Variants in ITGA11 observed in about 807,000 individuals in gnomAD.
ITGA11 encodes the protein integrin alpha-11.
A neutral mutation model predicts 141.9 loss-of-function variants in ITGA11; 97 were observed. The ratio of observed to expected loss-of-function variants is 0.68; its 90% CI spans 0.58 to 0.81. The LOEUF (loss-of-function observed/expected upper bound fraction) is 0.81. Ranked by LOEUF, ITGA11 falls within the 30% of genes least tolerant of loss-of-function variation. The pLI is 0.00. For missense variants in ITGA11, 1,387 were observed against 1,559.2 expected (o/e 0.89, Z 1.86); for synonymous variants, 658 against 624.6 (o/e 1.05, Z -0.80).
chr15:68,327,069 G>C (rs28517670), intron 16 of ITGA11, among the ~76,000 whole-genome samples: 4 of 152,084 alleles, frequency 2.6e-5, no homozygotes, highest in Non-Finnish European at 4.4e-5. Flanking sequence ...GAGGAGGGGA[G>C]ACAGGATGTG....
chr15:68,422,263 C>T (rs1407933282), intron 1 of ITGA11, among the ~76,000 whole-genome samples: 1 of 152,134 alleles, frequency 6.6e-6, no homozygotes, highest in Non-Finnish European at 1.5e-5. Flanking sequence ...CCTCCACCTG[C>T]CCACGAGCAC....
intron 1 of ITGA11, among the ~76,000 whole-genome samples, chr15:68,418,346 A>T: frequency 6.6e-6 from 1 of 152,222 alleles, no homozygotes; most frequent in Non-Finnish European, 1.5e-5. Context: ...ATAGAGCCTC[A>T]GGGAGGGAAG....
intron 1 of ITGA11, among the ~76,000 whole-genome samples, chr15:68,410,524 C>T (rs996951539): frequency 6.6e-6 from 1 of 151,278 alleles, no homozygotes; most frequent in Non-Finnish European, 1.5e-5. Context: ...CCTCTTGCTG[C>T]TATGGGGGAA....
At chr15:68,431,256 A>G (rs1897263786) in intron 1 of ITGA11, among the ~76,000 whole-genome samples, 1 of 152,188 alleles carries the variant, frequency 6.6e-6, no homozygotes, top group Non-Finnish European at 1.5e-5. Context: ...CGACACCTGG[A>G]GTGCATTAGG....
chr15:68,340,725 T>C (rs1267910505), intron 10 of ITGA11: 3 of 152,254 alleles, frequency 2.0e-5, no homozygotes, highest in Non-Finnish European at 4.4e-5. Context: ...TGGCCCTTTC[T>C]TGAAGACTGG....
rs1226819838 is a variant in ITGA11, at chr15:68,330,479, T to C, written c.1901+502A>G. On this transcript the variant is annotated intron_variant, in intron 15 of 29. Transcript: ENST00000315757. ...CTCATCAACATATATGAAAAAATAC[T>C]CAAGGTCTTTTTTTTTTTTTGGCTC... is the stretch of plus-strand genomic sequence containing the variant. Among the ~76,000 whole-genome samples, 10 of 143,908 alleles carry C rather than the reference T, an allele frequency of 6.9e-5. No homozygotes were observed. In the Admixed American group the frequency reaches 7.2e-4, roughly 10 times the overall value. 94.4% of individuals were successfully genotyped at this position (143,908 alleles called of 152,430 possible). A position where few individuals can be genotyped will look rare whatever the true frequency, so the allele number is the denominator to read the frequency against.
Position 68,326,981 on chromosome 15 carries a change from G to GGTAAAGGAAA in ITGA11, c.2069-186_2069-185insTTTCCTTTAC, listed in dbSNP as rs1893995317. On this transcript the variant is annotated intron_variant, in intron 16 of 29. Transcript: ENST00000315757. The surrounding 1 kb of genome is among the most constrained non-coding windows in gnomAD (Gnocchi z 6.8). ...TGATTGCATGAGGAAGGTAAAGGAA[G>GGTAAAGGAAA]GAACCAAAGAAAAGGGGGAGGAAGA... is the stretch of plus-strand genomic sequence containing the variant. Among the ~76,000 whole-genome samples the GGTAAAGGAAA allele has an allele frequency of 6.6e-6, 1 of 152,136 alleles. No individual in the cohort carries two copies. The highest frequency in any genetic ancestry group is 2.4e-5 in the African/African-American group (1 of 41,428).
In ITGA11 at chr15:68,326,560, G is replaced by C. The variant is rs2140296434; in HGVS notation, c.2211+94C>G. 1 of 1,395,746 alleles carries C rather than the reference G, an allele frequency of 7.2e-7. No homozygotes were observed. The highest frequency in any genetic ancestry group is 2.4e-5 in the Admixed American group (1 of 42,268). 86.5% of individuals were successfully genotyped at this position (1,395,746 alleles called of 1,614,324 possible). A position where few individuals can be genotyped will look rare whatever the true frequency, so the allele number is the denominator to read the frequency against. On this transcript the variant is annotated intron_variant, in intron 17 of 29. Coordinates refer to ENST00000315757, the MANE Select transcript of ITGA11 (RefSeq NM_001004439.2). This position sits in a 1 kb window ranked among gnomAD's most constrained non-coding sequence, Gnocchi z 6.8. ...GCTGGCTTCCTGAGGTCTGCTGGGGGCTTAGAACCAGCCAGGCAGACTCTC... is the reference window on the plus strand; with the variant it reads ...GCTGGCTTCCTGAGGTCTGCTGGGGCCTTAGAACCAGCCAGGCAGACTCTC...
At chr15:68,316,755 T>C (rs1407343382) in intron 21 of ITGA11, among the ~76,000 whole-genome samples, 1 of 152,228 alleles carries the variant, frequency 6.6e-6, no homozygotes, top group Non-Finnish European at 1.5e-5. Flanking sequence ...CAGAACCTTC[T>C]ATGGCTGCCT....
At chr15:68,316,260 A>G (rs1275366458) in intron 21 of ITGA11, among the ~76,000 whole-genome samples, 1 of 152,220 alleles carries the variant, frequency 6.6e-6, no homozygotes, top group African/African-American at 2.4e-5. Context: ...CTTGTCTGGC[A>G]GCGCTTCTGC....
At chr15:68,423,834 C>T (rs1897076866) in intron 1 of ITGA11, among the ~76,000 whole-genome samples, 1 of 152,058 alleles carries the variant, frequency 6.6e-6, no homozygotes, top group Admixed American at 6.6e-5. Context: ...CCTTCCTCAC[C>T]CAGCCTGGGC....
chr15:68,401,188 T>C (rs1896500556), intron 2 of ITGA11, among the ~76,000 whole-genome samples: 1 of 151,448 alleles, frequency 6.6e-6, no homozygotes. Context: ...ATGACTAAAA[T>C]TAAAATGACT....
intron 2 of ITGA11, among the ~76,000 whole-genome samples, chr15:68,396,595 T>C (rs1180030986): frequency 1.3e-5 from 2 of 150,588 alleles, no homozygotes; most frequent in East Asian, 3.9e-4. Context: ...GAAAAATAAA[T>C]AAAGGTAGGA....
Position 68,343,219 on chromosome 15 carries a change from G to A in ITGA11, c.1132-3575C>T, listed in dbSNP as rs544358253. Among the ~76,000 whole-genome samples the A allele has an allele frequency of 4.6e-5, 7 of 152,304 alleles. No homozygotes were observed. In the South Asian group the frequency reaches 1.5e-3, roughly 32 times the overall value. On this transcript the variant is annotated intron_variant, in intron 10 of 29. Coordinates refer to ENST00000315757, the MANE Select transcript of ITGA11 (RefSeq NM_001004439.2). ...TCGAAGAATCAGGTGTCACAGTCACGTTCGTCATTGCGGTAGCATGTGAGA... is the reference window on the plus strand; with the variant it reads ...TCGAAGAATCAGGTGTCACAGTCACATTCGTCATTGCGGTAGCATGTGAGA...
intron 1 of ITGA11, among the ~76,000 whole-genome samples, chr15:68,418,143 G>A (rs192364221): frequency 7.2e-5 from 11 of 152,172 alleles, no homozygotes; most frequent in Non-Finnish European, 8.8e-5. Context: ...AGAATGATAG[G>A]AATTCTTTCT....
At chr15:68,379,440 C>T (rs1033667840) in intron 2 of ITGA11, among the ~76,000 whole-genome samples, 1 of 152,244 alleles carries the variant, frequency 6.6e-6, no homozygotes, top group Non-Finnish European at 1.5e-5. Context: ...AAATACCTTG[C>T]ACACAGTCAA....
chr15:68,370,619 C>T (rs555224231), intron 2 of ITGA11, among the ~76,000 whole-genome samples: 17 of 152,328 alleles, frequency 1.1e-4, no homozygotes, highest in African/African-American at 1.7e-4. Context: ...TGGCTAAGAA[C>T]GGTAACCCTT....
At chr15:68,400,943 AAAT>A (rs1327305042) in intron 2 of ITGA11, among the ~76,000 whole-genome samples, 8 of 90,416 alleles carry the variant, frequency 8.8e-5, no homozygotes, top group African/African-American at 3.4e-4. Flanking sequence ...ATTATATAAT[AAAT>A]ATTATAATAT....
At chr15:68,386,275 G>A (rs1895982311) in intron 2 of ITGA11, among the ~76,000 whole-genome samples, 2 of 152,164 alleles carry the variant, frequency 1.3e-5, no homozygotes, top group Admixed American at 1.3e-4. Context: ...GTGATGGTGG[G>A]TGTTGGCAGG....
Sources: allele counts gnomAD v4.1 joint callset (sites outside exome capture counted in the v4.1 genomes callset), GRCh38; gene constraint gnomAD v4.1.1; non-coding constraint Gnocchi (gnomAD v3.1); transcripts MANE v1.5; gene names NCBI Gene and HGNC (gene_info 2026-07-23, HGNC 2026-07-21).